Variants in KALRN observed in about 807,000 individuals in gnomAD.
The protein encoded by KALRN is kalirin.
KALRN carries 70 observed loss-of-function variants against 353.7 expected under a neutral mutation model. The ratio of observed to expected loss-of-function variants is 0.20; its 90% CI spans 0.16 to 0.24. The LOEUF is 0.24. KALRN is among the 10% of genes least tolerant of loss of function. The pLI, the probability that KALRN is intolerant of heterozygous loss-of-function variation, is 1.00. For missense variants in KALRN, 2,791 were observed against 3,756.7 expected (o/e 0.74, Z 6.72); for synonymous variants, 1,391 against 1,434.8 (o/e 0.97, Z 0.69).
intron 11 of KALRN, among the ~76,000 whole-genome samples, chr3:124,393,231 G>A (rs899405056): frequency 6.6e-6 from 1 of 152,176 alleles, no homozygotes; most frequent in African/African-American, 2.4e-5. Context: ...CTCCCAAAGT[G>A]TTGGGATTGC....
chr3:124,215,836 G>C (rs1163605488), intron 1 of KALRN, among the ~76,000 whole-genome samples: 1 of 152,158 alleles, frequency 6.6e-6, no homozygotes, highest in African/African-American at 2.4e-5. Flanking sequence ...TATGGTGCCA[G>C]CCTCACTAGG....
intron 34 of KALRN, among the ~76,000 whole-genome samples, chr3:124,567,836 A>G (rs1449427295): frequency 6.6e-6 from 1 of 152,220 alleles, no homozygotes; most frequent in Non-Finnish European, 1.5e-5. Context: ...TTAGCCGGGC[A>G]TAGTGGCATG....
At chr3:124,153,445 A>T (rs1190802044) in intron 1 of KALRN, among the ~76,000 whole-genome samples, 1 of 150,156 alleles carries the variant, frequency 6.7e-6, no homozygotes, top group Non-Finnish European at 1.5e-5. Flanking sequence ...AAGGACATGA[A>T]CTCATCATTT....
At chr3:124,156,353 C>T (rs2068992794) in intron 1 of KALRN, among the ~76,000 whole-genome samples, 1 of 152,232 alleles carries the variant, frequency 6.6e-6, no homozygotes, top group Admixed American at 6.5e-5. Context: ...TGTATATTAG[C>T]ACTCAACATC....
chr3:124,368,953 G>T (rs2085430010), intron 10 of KALRN, among the ~76,000 whole-genome samples: 1 of 151,998 alleles, frequency 6.6e-6, no homozygotes, highest in South Asian at 2.1e-4. Context: ...GGCAGGCTGA[G>T]GCAGGAGAAT....
At chr3:124,592,309 C>CAAAAAAAAAAAAAAA (rs10575664) in intron 34 of KALRN, among the ~76,000 whole-genome samples, 2 of 120,648 alleles carry the variant, frequency 1.7e-5, no homozygotes. Context: ...CTCAAAGAAA[C>CAAAAAAAAAAAAAAA]AAAAAAAAAA....
intron 33 of KALRN, among the ~76,000 whole-genome samples, chr3:124,547,118 C>G (rs2069775431): frequency 2.0e-5 from 3 of 151,998 alleles, no homozygotes; most frequent in Admixed American, 2.0e-4. Flanking sequence ...AGAGGAGCAC[C>G]TCTTTTTTAA....
chr3:124,484,274 T>C (rs2062305947), intron 28 of KALRN, among the ~76,000 whole-genome samples: 1 of 152,172 alleles, frequency 6.6e-6, no homozygotes, highest in Non-Finnish European at 1.5e-5. Context: ...GCAGTGAAGG[T>C]GCAGGAGGCT....
At chr3:124,280,361 G>C (rs991257673) in intron 5 of KALRN, among the ~76,000 whole-genome samples, 1 of 152,108 alleles carries the variant, frequency 6.6e-6, no homozygotes, top group Non-Finnish European at 1.5e-5. Flanking sequence ...TCCCATCTCT[G>C]TCTCCCAGGG....
intron 1 of KALRN, among the ~76,000 whole-genome samples, chr3:124,112,153 A>G (rs1397608582): frequency 6.6e-6 from 1 of 151,996 alleles, no homozygotes; most frequent in East Asian, 1.9e-4. Flanking sequence ...AAACACAAAA[A>G]TTAGTCAGGT....
chr3:124,437,100 A>T (rs1466545087), intron 17 of KALRN, among the ~76,000 whole-genome samples: 14 of 130,160 alleles, frequency 1.1e-4, no homozygotes, highest in African/African-American at 2.0e-4. Context: ...TCACCTCAAG[A>T]TTGGTGACAG....
At chr3:124,338,628 G>A (rs997914479) in intron 9 of KALRN, among the ~76,000 whole-genome samples, 2 of 152,210 alleles carry the variant, frequency 1.3e-5, no homozygotes, top group South Asian at 4.1e-4. Flanking sequence ...TTGGGGTGGA[G>A]AGATCTGTAG....
At chr3:124,219,793 G>A (rs2077697337) in intron 1 of KALRN, among the ~76,000 whole-genome samples, 1 of 152,102 alleles carries the variant, frequency 6.6e-6, no homozygotes, top group African/African-American at 2.4e-5. Context: ...CGCACAGGTA[G>A]ATTTTCAGGT....
chr3:124,038,523 AATGAG>A (rs1441838483), intron 1 of KALRN, among the ~76,000 whole-genome samples: 2 of 152,174 alleles, frequency 1.3e-5, no homozygotes, highest in African/African-American at 4.8e-5. Context: ...TACCTGAAGA[AATGAG>A]ATAAGAATAG....
At position 124,725,689 on chromosome 3, in the gene KALRN, T is replaced by C. The variant is rs1208825942; in HGVS notation, c.*6219T>C. ...CATCCACAAAGCCAAACTAACAAAG[T>C]GTGAAACATAAAGGGGCCATCATTT... On this transcript the variant is annotated 3_prime_UTR_variant, in exon 60 of 60. Coordinates refer to ENST00000682506, the MANE Select transcript of KALRN (RefSeq NM_001388419.1). 4.6e-5 allele frequency: 7 copies of C among 152,244 alleles called. No homozygotes were observed. The East Asian group carries it at 1.3e-3, about 29-fold the overall frequency. 9.4% of individuals were successfully genotyped at this position (152,244 alleles called of 1,614,324 possible).
chr3:124,379,449 T>C (rs1483428831), intron 10 of KALRN, among the ~76,000 whole-genome samples: 1 of 152,166 alleles, frequency 6.6e-6, no homozygotes, highest in Non-Finnish European at 1.5e-5. Flanking sequence ...ACCTTGTCAG[T>C]TGTGGATATT....
rs768441029 is a variant in KALRN, at chr3:124,495,965, GTATA to G, written c.4833-301_4833-298del. ...CCCAAGTGTGTGTATGTGTATGTAT[GTATA>G]TATATATATATATATATATATATAT... On this transcript the variant is annotated intron_variant, in intron 32 of 59. Coordinates refer to ENST00000682506, the MANE Select transcript of KALRN (RefSeq NM_001388419.1). Among the ~76,000 whole-genome samples the G allele has an allele frequency of 4.3e-3, 177 of 41,470 alleles. 13 individuals are homozygous for G. Among genetic ancestry groups the G allele is most frequent in the Middle Eastern group, 0.012 (1 of 84 alleles). The allele number at this position is 41,470 out of a possible 152,430, so 27.2% of individuals were successfully genotyped here. A position where few individuals can be genotyped will look rare whatever the true frequency, so the allele number is the denominator to read the frequency against.
intron 1 of KALRN, among the ~76,000 whole-genome samples, chr3:124,221,219 C>T (rs2077872420): frequency 6.6e-6 from 1 of 152,248 alleles, no homozygotes; most frequent in African/African-American, 2.4e-5. Flanking sequence ...CCCTCTCTGC[C>T]TTGGCATGTA....
intron 25 of KALRN, among the ~76,000 whole-genome samples, chr3:124,469,235 T>TG (rs770436394): frequency 6.6e-6 from 1 of 152,230 alleles, no homozygotes; most frequent in Non-Finnish European, 1.5e-5. Context: ...TTGCTGCTTG[T>TG]GGTTGGAGGC....
Sources: gnomAD v4.1 joint callset for allele counts (sites outside exome capture counted in the v4.1 genomes callset) on GRCh38, gnomAD v4.1.1 for gene constraint, MANE v1.5 for transcripts, NCBI Gene and HGNC (gene_info 2026-07-23, HGNC 2026-07-21) for gene names.